DIAPH3: variants seen among roughly 807,000 people sequenced by gnomAD.
DIAPH3 encodes protein diaphanous homolog 3.
DIAPH3 carries 117 observed loss-of-function variants against 144.3 expected under a neutral mutation model. The observed-to-expected ratio is 0.81, with a 90% CI of 0.70 to 0.95. The LOEUF (loss-of-function observed/expected upper bound fraction) is 0.95. Ranked by LOEUF, DIAPH3 falls within the 40% of genes least tolerant of loss-of-function variation. The pLI, the probability that DIAPH3 is intolerant of heterozygous loss-of-function variation, is 0.00. For missense variants in DIAPH3, 1,421 were observed against 1,412.7 expected (o/e 1.01, Z -0.09); for synonymous variants, 519 against 488.9 (o/e 1.06, Z -0.81).
At chr13:59,728,951 G>T (rs1399604643) in intron 27 of DIAPH3, among the ~76,000 whole-genome samples, 1 of 151,856 alleles carries the variant, frequency 6.6e-6, no homozygotes, top group African/African-American at 2.4e-5. Flanking sequence ...TCTCTTGAGA[G>T]GACAGCTGAC....
chr13:60,135,834 A>G (rs1486152175), intron 1 of DIAPH3, among the ~76,000 whole-genome samples: 1 of 152,240 alleles, frequency 6.6e-6, no homozygotes, highest in East Asian at 1.9e-4. Context: ...TCTAAGCACT[A>G]GTAATTTCCC....
intron 1 of DIAPH3, among the ~76,000 whole-genome samples, chr13:60,137,660 A>G (rs1293819364): frequency 6.6e-6 from 1 of 152,130 alleles, no homozygotes; most frequent in African/African-American, 2.4e-5. Flanking sequence ...GGCTTGCATC[A>G]ATTTATTATT....
At chr13:60,130,865 TG>T (rs35888226) in intron 2 of DIAPH3, among the ~76,000 whole-genome samples, 17 of 151,932 alleles carry the variant, frequency 1.1e-4, no homozygotes, top group African/African-American at 4.1e-4. Flanking sequence ...AGGTGAGGAA[TG>T]GGGGAAGGTC....
At chr13:59,770,216 A>C (rs934632346) in intron 27 of DIAPH3, among the ~76,000 whole-genome samples, 6 of 152,150 alleles carry the variant, frequency 3.9e-5, no homozygotes, top group Admixed American at 3.9e-4. Context: ...GAACTTTAGC[A>C]ACTGGCATAT....
At chr13:59,832,778 A>G (rs341515) in intron 24 of DIAPH3, among the ~76,000 whole-genome samples, 94,367 of 151,530 alleles carry the variant, frequency 0.62, 29,743 homozygotes, top group East Asian at 0.72. Context: ...AAAAATATAA[A>G]CTGATCTTGA....
At chr13:59,710,519 G>A (rs1010242917) in intron 27 of DIAPH3, among the ~76,000 whole-genome samples, 1 of 152,138 alleles carries the variant, frequency 6.6e-6, no homozygotes, top group African/African-American at 2.4e-5. Flanking sequence ...AAACAATCAA[G>A]GGAGAAGGAA....
chr13:59,673,481 T>C (rs2032483011), intron 27 of DIAPH3, among the ~76,000 whole-genome samples: 1 of 152,224 alleles, frequency 6.6e-6, no homozygotes, highest in Non-Finnish European at 1.5e-5. Context: ...CTTGGAATTT[T>C]GTATTCATGT....
chr13:60,122,682 T>A (rs1348307865), intron 2 of DIAPH3, among the ~76,000 whole-genome samples: 1 of 152,168 alleles, frequency 6.6e-6, no homozygotes, highest in East Asian at 1.9e-4. Context: ...GAATGCCAGG[T>A]GTTATGCCTT....
chr13:59,761,200 T>C (rs2037565431), intron 27 of DIAPH3, among the ~76,000 whole-genome samples: 1 of 152,194 alleles, frequency 6.6e-6, no homozygotes, highest in Admixed American at 6.5e-5. Flanking sequence ...CTAACCATCA[T>C]TTCCCCTCCA....
chr13:60,025,953 C>T (rs1325696821), intron 5 of DIAPH3, among the ~76,000 whole-genome samples: 1 of 152,072 alleles, frequency 6.6e-6, no homozygotes, highest in Non-Finnish European at 1.5e-5. Flanking sequence ...AAAAACTATG[C>T]CTACAATCTT....
chr13:59,698,220 C>T (rs2033922852), intron 27 of DIAPH3, among the ~76,000 whole-genome samples: 1 of 152,172 alleles, frequency 6.6e-6, no homozygotes, highest in Non-Finnish European at 1.5e-5. Flanking sequence ...CTCAACAAGT[C>T]ATGTTGACAT....
intron 27 of DIAPH3, 33 bp from the exon 28 acceptor site, chr13:59,666,879 T>C (rs1226985788): frequency 1.2e-6 from 2 of 1,613,328 alleles, no homozygotes; most frequent in Non-Finnish European, 1.7e-6. Context: ...ATAAAACTTA[T>C]CACCATGATA....
At chr13:59,754,336 G>T (rs1317955539) in intron 27 of DIAPH3, among the ~76,000 whole-genome samples, 1 of 152,304 alleles carries the variant, frequency 6.6e-6, no homozygotes, top group Non-Finnish European at 1.5e-5. Flanking sequence ...CTAAGCCTCA[G>T]TTTGAGACAA....
intron 4 of DIAPH3, among the ~76,000 whole-genome samples, chr13:60,055,580 C>G (rs2056524051): frequency 6.6e-6 from 1 of 151,642 alleles, no homozygotes; most frequent in Non-Finnish European, 1.5e-5. Flanking sequence ...CTAAACAAAC[C>G]ATGATGGACC....
intron 27 of DIAPH3, among the ~76,000 whole-genome samples, chr13:59,768,958 A>G (rs183664017): frequency 9.2e-5 from 14 of 152,314 alleles, no homozygotes; most frequent in Admixed American, 8.5e-4. Context: ...TCACAGTTAA[A>G]TAGTTTTATC....
At chr13:59,882,764 T>G (rs1207229122) in intron 20 of DIAPH3, among the ~76,000 whole-genome samples, 3 of 152,204 alleles carry the variant, frequency 2.0e-5, no homozygotes, top group Non-Finnish European at 4.4e-5. Context: ...CAGTTATCCT[T>G]TAAATCTATT....
chr13:59,844,056 G>A (rs1325969044), intron 22 of DIAPH3, among the ~76,000 whole-genome samples: 6 of 149,450 alleles, frequency 4.0e-5, no homozygotes, highest in African/African-American at 9.9e-5. Context: ...CATGGCATAC[G>A]TTTACCTATG....
chr13:60,059,811 A>G (rs1566724409), intron 4 of DIAPH3, among the ~76,000 whole-genome samples: 1 of 152,002 alleles, frequency 6.6e-6, no homozygotes, highest in African/African-American at 2.4e-5. Context: ...AAATCCACTG[A>G]TATTCTTAGT....
intron 17 of DIAPH3, among the ~76,000 whole-genome samples, chr13:59,958,528 C>CA (rs1272090973): frequency 1.3e-5 from 2 of 151,864 alleles, no homozygotes; most frequent in South Asian, 2.1e-4. Context: ...GTGAGAGTCA[C>CA]AAAAAATGTT....
Sources: allele counts gnomAD v4.1 joint callset (sites outside exome capture counted in the v4.1 genomes callset), GRCh38; gene constraint gnomAD v4.1.1; transcripts MANE v1.5; gene names NCBI Gene and HGNC (gene_info 2026-07-23, HGNC 2026-07-21).